The following LY86 variants were observed in gnomAD, a reference collection of about 807,000 sequenced individuals.
LY86 encodes the protein MD-1, RP105-associated.
In LY86, 20 loss-of-function variants were observed where a neutral mutation model predicts 17.3. That is an observed-to-expected ratio of 1.15 (90% CI 0.81 to 1.68). LY86 has a LOEUF of 1.68. Ranked by LOEUF, LY86 falls within the 40% of genes most tolerant of loss-of-function variation. The pLI is 0.00. For missense variants in LY86, 200 were observed against 191.9 expected (o/e 1.04, Z -0.25); for synonymous variants, 74 against 70.6 (o/e 1.05, Z -0.24).
At chr6:6,613,098 G>A (rs1307593259) in intron 1 of LY86, among the ~76,000 whole-genome samples, 1 of 152,206 alleles carries the variant, frequency 6.6e-6, no homozygotes. Context: ...GTGTGGATTG[G>A]TGCATTCACA....
chr6:6,595,296 G>A lies in LY86; in HGVS notation c.136+6426G>A, dbSNP rs187505024. 4.6e-3 allele frequency among the ~76,000 whole-genome samples: 686 copies of A among 147,830 alleles called. 5 individuals carry two copies. Among genetic ancestry groups the A allele is most frequent in the African/African-American group, 0.016 (648 of 39,298 alleles). On this transcript the variant is annotated intron_variant, in intron 1 of 4. Coordinates refer to ENST00000230568, the MANE Select transcript of LY86 (RefSeq NM_004271.4). ...AGGATGAGGAAGAGGTGGGGAAGAA[G>A]AGGAGAAGGAGGAGGAGGTGGAAGA...
At chr6:6,594,203 G>GA (rs35534581) in intron 1 of LY86, among the ~76,000 whole-genome samples, 1 of 152,224 alleles carries the variant, frequency 6.6e-6, no homozygotes, top group Non-Finnish European at 1.5e-5. Flanking sequence ...CCTGGACAGA[G>GA]AAGTGGCTCC....
At chr6:6,605,536 C>T (rs1205311857) in intron 1 of LY86, among the ~76,000 whole-genome samples, 1 of 152,274 alleles carries the variant, frequency 6.6e-6, no homozygotes, top group Non-Finnish European at 1.5e-5. Flanking sequence ...AACGCTACCC[C>T]ATAACATGGC....
At chr6:6,630,441 T>C (rs1761882046) in intron 3 of LY86, among the ~76,000 whole-genome samples, 1 of 152,248 alleles carries the variant, frequency 6.6e-6, no homozygotes, top group Admixed American at 6.5e-5. Context: ...AAAGCTGCCT[T>C]GGTCCTTCTG....
intron 1 of LY86, among the ~76,000 whole-genome samples, chr6:6,610,043 T>C (rs1761291844): frequency 6.6e-6 from 1 of 152,130 alleles, no homozygotes; most frequent in South Asian, 2.1e-4. Flanking sequence ...TGCCCAGGCC[T>C]CCCAAAGTGT....
rs748354471 is a variant in LY86, at chr6:6,625,018, TA to T, written c.223+14del. 9.2e-5 allele frequency: 121 copies of T among 1,318,868 alleles called. No individual in the cohort carries two copies. Among genetic ancestry groups the T allele is most frequent in the Middle Eastern group, 1.8e-4 (1 of 5,518 alleles). 81.7% of individuals were successfully genotyped at this position (1,318,868 alleles called of 1,614,324 possible). A position where few individuals can be genotyped will look rare whatever the true frequency, so the allele number is the denominator to read the frequency against. The stretch of plus-strand genomic sequence containing the variant: ...TAGATTTGGAATTATTCTGAGTAAG[TA>T]AAAAAAATGATTAGCATGAAATAAA... On this transcript the variant is annotated splice_region_variant and intron_variant, in intron 2 of 4. Transcript: ENST00000230568.
At chr6:6,605,672 GTTC>G (rs1174142750) in intron 1 of LY86, among the ~76,000 whole-genome samples, 6 of 152,256 alleles carry the variant, frequency 3.9e-5, no homozygotes, top group Admixed American at 3.9e-4. Flanking sequence ...GAATTGATGG[GTTC>G]TTCATCTCAC....
chr6:6,631,345 T>A (rs1761895307), intron 3 of LY86, among the ~76,000 whole-genome samples: 1 of 152,266 alleles, frequency 6.6e-6, no homozygotes, highest in Non-Finnish European at 1.5e-5. Flanking sequence ...ACTGGGTTTC[T>A]GTCCAGCTCC....
At chr6:6,624,571 G>T (rs541893103) in intron 1 of LY86, among the ~76,000 whole-genome samples, 2 of 152,072 alleles carry the variant, frequency 1.3e-5, no homozygotes, top group African/African-American at 2.4e-5. Context: ...TATTAAATCC[G>T]CTATGCAATC....
intron 1 of LY86, among the ~76,000 whole-genome samples, chr6:6,589,095 C>T (rs1344788855): frequency 6.6e-6 from 1 of 152,122 alleles, no homozygotes; most frequent in Non-Finnish European, 1.5e-5. Flanking sequence ...ACAAAGAGTA[C>T]AAGAAAGAGA....
chr6:6,620,180 A>G (rs80159967), intron 1 of LY86, among the ~76,000 whole-genome samples: 4,914 of 152,288 alleles, frequency 0.032, 158 homozygotes, highest in African/African-American at 0.076. Context: ...AACTGGTGAC[A>G]TCTGAATAAA....
rs1381792216 is a variant in LY86 at position 6,603,612 on chromosome 6, A to C, written c.136+14742A>C. On this transcript the variant is annotated intron_variant, in intron 1 of 4. Transcript: ENST00000230568. Reference sequence around the variant, plus strand: ...AAAACAAAAACAGAAACAGAAAAAAAAACAAACAAAAAAAAACAAAACACA... The same window carrying C: ...AAAACAAAAACAGAAACAGAAAAAACAACAAACAAAAAAAAACAAAACACA... Among the ~76,000 whole-genome samples the C allele has an allele frequency of 1.5e-3, 189 of 124,646 alleles. 7 individuals carry two copies. Among genetic ancestry groups the C allele is most frequent in the South Asian group, 0.015 (54 of 3,692 alleles). 81.8% of individuals were successfully genotyped at this position (124,646 alleles called of 152,430 possible). A position where few individuals can be genotyped will look rare whatever the true frequency, so the allele number is the denominator to read the frequency against.
chr6:6,613,473 C>T (rs148845955), intron 1 of LY86, among the ~76,000 whole-genome samples: 2,291 of 152,322 alleles, frequency 0.015, 59 homozygotes, highest in African/African-American at 0.053. Flanking sequence ...AAATCGAGCA[C>T]AGCAGCTGCT....
chr6:6,595,430 G>A (rs1398239558), intron 1 of LY86, among the ~76,000 whole-genome samples: 1 of 150,118 alleles, frequency 6.7e-6, no homozygotes, highest in Non-Finnish European at 1.5e-5. Context: ...GAAGAGAAGG[G>A]GGAGGAGGGG....
At chr6:6,650,939 T>G (rs1762178760) in intron 4 of LY86, among the ~76,000 whole-genome samples, 1 of 152,210 alleles carries the variant, frequency 6.6e-6, no homozygotes, top group Non-Finnish European at 1.5e-5. Flanking sequence ...TGATCATGTT[T>G]TTTAGCTCCC....
intron 1 of LY86, among the ~76,000 whole-genome samples, chr6:6,602,567 T>C (rs1206746732): frequency 2.0e-5 from 3 of 152,090 alleles, no homozygotes; most frequent in African/African-American, 7.2e-5. Context: ...CAAGTTTGTT[T>C]GAGAAATGAT....
rs765629170 is a variant in LY86 at position 6,654,605 on chromosome 6, A to G, written c.467A>G (p.Asn156Ser). ...TEKRSTVACA[N>S]ATIMCS Reference sequence around the variant, plus strand: ...AAACGGTCCACCGTGGCCTGTGCCAATGCTACTATCATGTGCTCCTGACTG... The same window carrying G: ...AAACGGTCCACCGTGGCCTGTGCCAGTGCTACTATCATGTGCTCCTGACTG... Residue 156 changes from asparagine (N) to serine (S), a missense_variant, in exon 5 of 5, where the codon AAT (asparagine) becomes AGT (serine). Physicochemically the swap from Asn to Ser is conservative, Grantham distance 46. Transcript: ENST00000230568. 16 of 1,614,196 alleles carry G rather than the reference A, an allele frequency of 9.9e-6. No individual in the cohort carries two copies. In the South Asian group the frequency reaches 1.3e-4, roughly 13 times the overall value.
chr6:6,624,760 G>T (rs928375968), intron 1 of LY86, among the ~76,000 whole-genome samples, 166 bp from the exon 2 acceptor site: 1 of 152,112 alleles, frequency 6.6e-6, no homozygotes, highest in South Asian at 2.1e-4. Flanking sequence ...TGAAGACACG[G>T]GGGGGAGCTG....
intron 1 of LY86, among the ~76,000 whole-genome samples, chr6:6,613,838 C>T (rs561557390): frequency 6.6e-6 from 1 of 152,188 alleles, no homozygotes; most frequent in Non-Finnish European, 1.5e-5. Context: ...GATGGTTTAT[C>T]CGCCTTCCTT....
Sources: allele counts gnomAD v4.1 joint callset (sites outside exome capture counted in the v4.1 genomes callset), GRCh38; gene constraint gnomAD v4.1.1; transcripts MANE v1.5; gene names NCBI Gene and HGNC (gene_info 2026-07-23, HGNC 2026-07-21).